Variants in XYLT1 observed in about 807,000 individuals in gnomAD.
XYLT1 encodes the protein xylosyltransferase 1.
Under a neutral mutation model 91.3 loss-of-function variants are expected in XYLT1, and 36 were observed. That is an observed-to-expected ratio of 0.39 (90% CI 0.30 to 0.52). XYLT1 has a LOEUF of 0.52. Ranked by LOEUF, XYLT1 falls within the 20% of genes least tolerant of loss-of-function variation. XYLT1 has a pLI of 0.68. For missense variants in XYLT1, 1,242 were observed against 1,284.5 expected (o/e 0.97, Z 0.51); for synonymous variants, 588 against 532.0 (o/e 1.11, Z -1.45).
chr16:17,106,504 A>G lies in XYLT1; in HGVS notation c.*2191T>C, dbSNP rs1344884921. 1 of 152,220 alleles carries G rather than the reference A, an allele frequency of 6.6e-6. No individual in the cohort carries two copies. Among genetic ancestry groups the G allele is most frequent in the Non-Finnish European group, 1.5e-5 (1 of 68,074 alleles). 9.4% of individuals were successfully genotyped at this position (152,220 alleles called of 1,614,324 possible). A position where few individuals can be genotyped will look rare whatever the true frequency, so the allele number is the denominator to read the frequency against. ...TCCCGGACTCTGCTGCCTGGATCTGACGACCCTCCTCCTAAGATGGATCTC... is the reference window on the plus strand; with the variant it reads ...TCCCGGACTCTGCTGCCTGGATCTGGCGACCCTCCTCCTAAGATGGATCTC... On this transcript the variant is annotated 3_prime_UTR_variant, in exon 12 of 12. Coordinates refer to ENST00000261381, the MANE Select transcript of XYLT1 (RefSeq NM_022166.4).
intron 1 of XYLT1, among the ~76,000 whole-genome samples, chr16:17,414,606 C>A (rs1000286764): frequency 3.9e-5 from 6 of 152,184 alleles, no homozygotes; most frequent in African/African-American, 1.2e-4. Context: ...CCACTGGGCA[C>A]CCACAGGAAG....
chr16:17,132,602 G>A (rs2030528687), intron 9 of XYLT1, among the ~76,000 whole-genome samples: 1 of 143,702 alleles, frequency 7.0e-6, no homozygotes, highest in South Asian at 2.1e-4. Flanking sequence ...ATAAAATGCT[G>A]TTAAAATGGG....
At chr16:17,409,011 A>C (rs945034016) in intron 1 of XYLT1, among the ~76,000 whole-genome samples, 8 of 152,182 alleles carry the variant, frequency 5.3e-5, no homozygotes, top group Admixed American at 3.9e-4. Flanking sequence ...TGGTCCAAAC[A>C]ATGTGCCCAT....
chr16:17,442,645 C>T (rs1028083376), intron 1 of XYLT1, among the ~76,000 whole-genome samples: 4 of 152,124 alleles, frequency 2.6e-5, no homozygotes, highest in African/African-American at 7.2e-5. Flanking sequence ...CATGGATTCC[C>T]CCACCTTGAG....
intron 2 of XYLT1, among the ~76,000 whole-genome samples, chr16:17,350,035 G>A (rs922392497): frequency 2.6e-5 from 4 of 151,862 alleles, no homozygotes; most frequent in Admixed American, 6.6e-5. Flanking sequence ...CACCACACCC[G>A]GCTAATTTTT....
intron 2 of XYLT1, among the ~76,000 whole-genome samples, chr16:17,264,833 C>T (rs528667080): frequency 1.5e-4 from 23 of 152,180 alleles, no homozygotes; most frequent in Non-Finnish European, 3.2e-4. Flanking sequence ...CTCTCTGTGT[C>T]TCAGTTTCCT....
At chr16:17,465,737 C>T (rs951820520) in intron 1 of XYLT1, among the ~76,000 whole-genome samples, 2 of 152,122 alleles carry the variant, frequency 1.3e-5, no homozygotes, top group Non-Finnish European at 2.9e-5. Flanking sequence ...CTACACTGTA[C>T]GGGAAAATGA....
At chr16:17,191,749 T>C (rs1474338271) in intron 5 of XYLT1, among the ~76,000 whole-genome samples, 3 of 152,354 alleles carry the variant, frequency 2.0e-5, no homozygotes, top group East Asian at 1.9e-4. Flanking sequence ...AGCTCTCTCA[T>C]GTTCTCAGCC....
At position 17,106,417 on chromosome 16, in the gene XYLT1, C is replaced by T. The variant is rs1966775434; in HGVS notation, c.*2278G>A. On this transcript the variant is annotated 3_prime_UTR_variant, in exon 12 of 12. Transcript: ENST00000261381. ...CCACCATAGAGTCTGTAAAAGAGATCATAGGGGCTTTCTGAGAAAAGTACC... is the reference window on the plus strand; with the variant it reads ...CCACCATAGAGTCTGTAAAAGAGATTATAGGGGCTTTCTGAGAAAAGTACC... The T allele has an allele frequency of 6.6e-6, 1 of 152,164 alleles. No individual in the cohort carries two copies. The highest frequency in any genetic ancestry group is 6.5e-5 in the Admixed American group (1 of 15,280). The allele number at this position is 152,164 out of a possible 1,614,324, so 9.4% of individuals were successfully genotyped here.
chr16:17,170,973 T>C (rs1327284778), intron 5 of XYLT1, among the ~76,000 whole-genome samples: 4 of 152,172 alleles, frequency 2.6e-5, no homozygotes, highest in Non-Finnish European at 5.9e-5. Flanking sequence ...TTGAGGATAA[T>C]AACACTATTT....
intron 1 of XYLT1, among the ~76,000 whole-genome samples, chr16:17,413,089 T>C (rs571104936): frequency 1.1e-4 from 16 of 152,236 alleles, no homozygotes; most frequent in African/African-American, 3.1e-4. Context: ...CACCATTGTA[T>C]GCTCAGTGCC....
chr16:17,346,364 G>A (rs192587479), intron 2 of XYLT1, among the ~76,000 whole-genome samples: 2 of 152,190 alleles, frequency 1.3e-5, no homozygotes, highest in African/African-American at 2.4e-5. Context: ...AATACCCAGG[G>A]GACTGTCACT....
intron 3 of XYLT1, among the ~76,000 whole-genome samples, chr16:17,223,457 C>A (rs2033008774): frequency 6.6e-6 from 1 of 152,264 alleles, no homozygotes; most frequent in Admixed American, 6.5e-5. Flanking sequence ...GCAGTCAGGT[C>A]TTGCCAAGAG....
chr16:17,272,825 C>T (rs1396167849), intron 2 of XYLT1, among the ~76,000 whole-genome samples: 2 of 152,220 alleles, frequency 1.3e-5, no homozygotes, highest in Non-Finnish European at 2.9e-5. Flanking sequence ...TCCGGGAGGC[C>T]TTCTACCTCC....
At chr16:17,135,403 TC>T (rs1180895429) in intron 8 of XYLT1, among the ~76,000 whole-genome samples, 7 of 151,920 alleles carry the variant, frequency 4.6e-5, no homozygotes, top group Non-Finnish European at 8.8e-5. Context: ...ACACCTGTAG[TC>T]CCAGCTGCTC....
intron 3 of XYLT1, among the ~76,000 whole-genome samples, chr16:17,253,221 G>A (rs561175080): frequency 6.6e-6 from 1 of 152,250 alleles, no homozygotes; most frequent in Admixed American, 6.5e-5. Context: ...ACCCAATTAG[G>A]GTTATTTTGC....
chr16:17,420,445 C>A (rs1167240963), intron 1 of XYLT1, among the ~76,000 whole-genome samples: 1 of 152,030 alleles, frequency 6.6e-6, no homozygotes, highest in Non-Finnish European at 1.5e-5. Context: ...CTAAAAGAGT[C>A]CCAGGGTTAG....
intron 1 of XYLT1, among the ~76,000 whole-genome samples, chr16:17,386,780 T>C (rs1461948029): frequency 2.0e-5 from 3 of 152,212 alleles, no homozygotes; most frequent in African/African-American, 7.2e-5. Flanking sequence ...CTGTTGAGCA[T>C]ATGACATGCA....
chr16:17,169,621 G>A (rs530979090), intron 5 of XYLT1, among the ~76,000 whole-genome samples: 10 of 143,674 alleles, frequency 7.0e-5, no homozygotes, highest in Non-Finnish European at 1.5e-4. Context: ...GGACGCCACC[G>A]GAATCATGAA....
Sources: allele counts gnomAD v4.1 joint callset (sites outside exome capture counted in the v4.1 genomes callset), GRCh38; gene constraint gnomAD v4.1.1; transcripts MANE v1.5; gene names NCBI Gene and HGNC (gene_info 2026-07-23, HGNC 2026-07-21).